NSD1: variants seen among roughly 807,000 people sequenced by gnomAD.
NSD1 encodes the protein histone-lysine N-methyltransferase, H3 lysine-36 specific.
Under a neutral mutation model 242.7 loss-of-function variants are expected in NSD1, and 26 were observed. The ratio of observed to expected loss-of-function variants is 0.11; its 90% CI spans 0.08 to 0.15. The LOEUF is 0.15. NSD1 is among the 10% of genes least tolerant of loss of function. The probability of loss-of-function intolerance (pLI) is 1.00; values close to 1 mark genes in which losing one functional copy is unlikely to be tolerated. For synonymous variants in NSD1, 1,106 were observed against 1,178.1 expected (o/e 0.94, Z 1.25); for missense variants, 2,495 against 3,272.8 (o/e 0.76, Z 5.80).
intron 11 of NSD1, 58 bp from the exon 12 acceptor site, chr5:177,251,672 T>C (rs1362947619): frequency 6.3e-7 from 1 of 1,592,940 alleles, no homozygotes; most frequent in African/African-American, 1.3e-5. Flanking sequence ...CTGACACTGG[T>C]TTTACTCTTG....
intron 4 of NSD1, among the ~76,000 whole-genome samples, chr5:177,205,096 GCA>G (rs1405747379): frequency 1.3e-5 from 2 of 151,994 alleles, no homozygotes; most frequent in African/African-American, 4.8e-5. Flanking sequence ...AAGTGCAGTG[GCA>G]CACTCTTGGC....
rs561422466 is a variant in NSD1 at position 177,249,979 on chromosome 5, G to A, written c.4641+1655G>A. On this transcript the variant is annotated intron_variant, in intron 11 of 22. Transcript: ENST00000439151. ...TTCGTGCCTGTAATTCCCCTGCTGGGGAGGCTGAGGTCATTGGATCACCTG... is the reference window on the plus strand; with the variant it reads ...TTCGTGCCTGTAATTCCCCTGCTGGAGAGGCTGAGGTCATTGGATCACCTG... Among the ~76,000 whole-genome samples the A allele has an allele frequency of 2.0e-5, 3 of 152,320 alleles. No homozygotes were observed. The East Asian group carries it at 5.8e-4, about 29-fold the overall frequency.
chr5:177,286,543 G>T (rs1759342375), intron 20 of NSD1, among the ~76,000 whole-genome samples: 1 of 152,150 alleles, frequency 6.6e-6, no homozygotes, highest in Admixed American at 6.5e-5. Flanking sequence ...TTTAAGCCTT[G>T]CAAAAGTGCT....
intron 5 of NSD1, among the ~76,000 whole-genome samples, chr5:177,227,779 T>C (rs1300104630): frequency 6.6e-6 from 1 of 151,892 alleles, no homozygotes; most frequent in Non-Finnish European, 1.5e-5. Context: ...ACCTAAAACA[T>C]GGAACAGAAA....
At chr5:177,261,350 G>C (rs1444749798) in intron 14 of NSD1, among the ~76,000 whole-genome samples, 1 of 150,964 alleles carries the variant, frequency 6.6e-6, no homozygotes, top group African/African-American at 2.4e-5. Context: ...CAAAGTGCTA[G>C]GATTACAGAC....
intron 5 of NSD1, among the ~76,000 whole-genome samples, chr5:177,230,512 A>G (rs1327371295): frequency 1.3e-5 from 2 of 152,114 alleles, no homozygotes; most frequent in East Asian, 3.9e-4. Context: ...CCCCAAAGGT[A>G]GAGTGGAAAC....
intron 4 of NSD1, among the ~76,000 whole-genome samples, chr5:177,204,533 G>A (rs1762738749): frequency 6.6e-6 from 1 of 152,020 alleles, no homozygotes; most frequent in Admixed American, 6.6e-5. Context: ...TTTGTATTTA[G>A]TAGAGACAGG....
rs1393932190 is a variant in NSD1 at position 177,167,511 on chromosome 5, G to A, written c.928-24373G>A. ...GATCGCGCCATTGCACTCCAGCCTGGGCAACAAGAGCAAAACTCTATCTCA... is the reference window on the plus strand; with the variant it reads ...GATCGCGCCATTGCACTCCAGCCTGAGCAACAAGAGCAAAACTCTATCTCA... On this transcript the variant is annotated intron_variant, in intron 2 of 22. Coordinates refer to ENST00000439151, the MANE Select transcript of NSD1 (RefSeq NM_022455.5). Among the ~76,000 whole-genome samples the A allele has an allele frequency of 2.6e-5, 4 of 152,024 alleles. No homozygotes were observed. In the East Asian group the frequency reaches 7.7e-4, roughly 29 times the overall value.
chr5:177,278,931 A>G (rs1312895387), intron 17 of NSD1, among the ~76,000 whole-genome samples: 3 of 152,216 alleles, frequency 2.0e-5, no homozygotes, highest in Non-Finnish European at 1.5e-5. Context: ...CCTCTACATT[A>G]ATGGCTTTGG....
intron 2 of NSD1, among the ~76,000 whole-genome samples, chr5:177,185,653 C>T (rs1386403320): frequency 1.7e-5 from 2 of 120,696 alleles, no homozygotes; most frequent in East Asian, 2.2e-4. Context: ...GAGACAGAGA[C>T]CAAATATATA....
chr5:177,153,208 GTT>G (rs575455880), intron 2 of NSD1, among the ~76,000 whole-genome samples: 13 of 135,820 alleles, frequency 9.6e-5, no homozygotes, highest in East Asian at 2.2e-4. Context: ...TTCTTTTTCT[GTT>G]TTTTTTTTTT....
At chr5:177,168,450 C>CTT (rs916381661) in intron 2 of NSD1, among the ~76,000 whole-genome samples, 155 of 130,214 alleles carry the variant, frequency 1.2e-3, no homozygotes, top group African/African-American at 3.7e-3. Context: ...TTGTTCATTG[C>CTT]TTTTTTTTTT....
chr5:177,254,970 G>C (rs2149909356), intron 12 of NSD1, among the ~76,000 whole-genome samples: 1 of 152,066 alleles, frequency 6.6e-6, no homozygotes, highest in African/African-American at 2.4e-5. Flanking sequence ...AGTGCTCTTG[G>C]CTCACCCTAT....
Position 177,210,118 on chromosome 5 carries a change from T to C in NSD1, c.1719T>C (p.Cys573=). 1 of 1,613,238 alleles carries C rather than the reference T, an allele frequency of 6.2e-7. No homozygotes were observed. Among genetic ancestry groups the C allele is most frequent in the Non-Finnish European group, 8.5e-7 (1 of 1,179,736 alleles). ...CAGGAAGTTTTCTGTTTTCTTCCTG[T>C]GGAAAAAACACTGCAAAGAAAGAAT... ...TAPGSFLFSS[C]GKNTAKKEFE... The change falls in exon 5 of 23, where the codon TGT becomes TGC. Residue 573 remains cysteine (C), a synonymous_variant. Transcript: ENST00000439151.
chr5:177,151,042 T>G (rs114377641), intron 2 of NSD1, among the ~76,000 whole-genome samples: 2,120 of 152,330 alleles, frequency 0.014, 17 homozygotes, highest in Non-Finnish European at 0.022. Flanking sequence ...GTTTTTATAA[T>G]TAGTATATTG....
intron 14 of NSD1, chr5:177,264,949 G>T (rs761813423): frequency 1.1e-6 from 1 of 914,534 alleles, no homozygotes; most frequent in Non-Finnish European, 1.8e-6. Flanking sequence ...TGGCAAAACT[G>T]GAAGAGTCTA....
chr5:177,185,654 C>A (rs1434220257), intron 2 of NSD1, among the ~76,000 whole-genome samples: 1 of 121,178 alleles, frequency 8.3e-6, no homozygotes, highest in African/African-American at 3.2e-5. Flanking sequence ...AGACAGAGAC[C>A]AAATATATAT....
intron 22 of NSD1, 37 bp downstream of exon 22, chr5:177,292,195 T>C (rs2127276767): frequency 1.2e-6 from 2 of 1,601,318 alleles, no homozygotes; most frequent in Non-Finnish European, 1.7e-6. Context: ...CTACTCGTTC[T>C]CTCCATCATA....
intron 2 of NSD1, among the ~76,000 whole-genome samples, chr5:177,144,743 T>C (rs1446240057): frequency 1.3e-5 from 2 of 152,146 alleles, no homozygotes; most frequent in Admixed American, 1.3e-4. Context: ...ATAATCTCAA[T>C]TGTAGCCTTT....
Sources: allele counts gnomAD v4.1 joint callset (sites outside exome capture counted in the v4.1 genomes callset), GRCh38; gene constraint gnomAD v4.1.1; transcripts MANE v1.5; gene names NCBI Gene and HGNC (gene_info 2026-07-23, HGNC 2026-07-21).